KIF3C: variants seen among roughly 807,000 people sequenced by gnomAD.
KIF3C encodes the protein kinesin-like protein KIF3C.
Under a neutral mutation model 67.7 loss-of-function variants are expected in KIF3C, and 12 were observed. The observed-to-expected ratio is 0.18, with a 90% CI of 0.11 to 0.29. The LOEUF (loss-of-function observed/expected upper bound fraction) is 0.29. Among genes scored for constraint, KIF3C ranks in the 10% least tolerant of loss-of-function variants. The pLI is 1.00. For missense variants in KIF3C, 789 were observed against 1,059.6 expected, an observed-to-expected ratio of 0.74 and a Z score of 3.55; for synonymous variants, 393 against 426.2, an observed-to-expected ratio of 0.92 and a Z score of 0.96.
In KIF3C at chr2:25,981,849, C is replaced by A. The variant is rs760060555; in HGVS notation, c.69G>T (p.Lys23Asn). The A allele has an allele frequency of 6.2e-7, 1 of 1,606,460 alleles. No homozygotes were observed. The highest frequency in any genetic ancestry group is 1.1e-5 in the South Asian group (1 of 90,486). Residue 23 changes from lysine to asparagine, a missense_variant, in exon 1 of 8, where the codon AAG becomes AAT. Transcript: ENST00000264712. The surrounding 1 kb of genome is among the most constrained non-coding windows in gnomAD (Gnocchi z 8.2). The stretch of plus-strand genomic sequence containing the variant: ...TCTGCTCGTGACCAGCAGCCTCCTC[C>A]TTCCTGCTGAGGGGGCGGCACCGGG... The part of the protein sequence containing the change: ...VVARCRPLSR[K>N]EEAAGHEQIL...
At position 25,951,769 on chromosome 2, in the gene KIF3C, C is replaced by G. The variant is rs771774727; in HGVS notation, c.2006+20G>C. The G allele has an allele frequency of 1.3e-6, 2 of 1,557,352 alleles. No homozygotes were observed. Among genetic ancestry groups the G allele is most frequent in the Non-Finnish European group, 1.8e-6 (2 of 1,129,138 alleles). ...GGACCCACAAGTCCCCCAGCCCAGA[C>G]AGCTGGGTTAGAGACTCACACGCCG... On this transcript the variant is annotated intron_variant, in intron 5 of 7. Transcript: ENST00000264712.
intron 1 of KIF3C, among the ~76,000 whole-genome samples, chr2:25,966,650 C>T (rs797017535): frequency 4.6e-5 from 7 of 152,274 alleles, no homozygotes; most frequent in South Asian, 4.1e-4. Flanking sequence ...AAAGCACTGA[C>T]GTGGAAAGCT....
At chr2:25,929,862 T>G (rs2090444074) in intron 6 of KIF3C, 93 bp downstream of exon 6, 1 of 853,836 alleles carries the variant, frequency 1.2e-6, no homozygotes, top group East Asian at 2.5e-5. Flanking sequence ...GTGATCCACC[T>G]GCCTCGGCCT....
intron 1 of KIF3C, among the ~76,000 whole-genome samples, chr2:25,968,082 G>A (rs74478887): frequency 0.014 from 2,186 of 152,164 alleles, 51 homozygotes; most frequent in African/African-American, 0.049. Context: ...CTTTTCCAGC[G>A]CCCTGATTGT....
At chr2:25,970,116 G>C (rs1421384207) in intron 1 of KIF3C, among the ~76,000 whole-genome samples, 1 of 152,176 alleles carries the variant, frequency 6.6e-6, no homozygotes, top group African/African-American at 2.4e-5. Context: ...TATCTCAGGA[G>C]ACAAGAGTTC....
At chr2:25,968,969 G>A (rs1299436966) in intron 1 of KIF3C, among the ~76,000 whole-genome samples, 4 of 152,048 alleles carry the variant, frequency 2.6e-5, no homozygotes, top group East Asian at 3.9e-4. Context: ...AATTACAGGC[G>A]TGTGCCACCA....
chr2:25,937,424 GC>G (rs1004786419), intron 5 of KIF3C, among the ~76,000 whole-genome samples: 3 of 152,210 alleles, frequency 2.0e-5, no homozygotes, highest in Admixed American at 6.5e-5. Flanking sequence ...GGCTCCAGAA[GC>G]CCCAGCTGGG....
In KIF3C at chr2:25,955,920, G is replaced by T. The variant is rs1014607572; in HGVS notation, c.1648-257C>A. Among the ~76,000 whole-genome samples, 1 of 152,150 alleles carries T rather than the reference G, an allele frequency of 6.6e-6. No individual in the cohort carries two copies. The highest frequency in any genetic ancestry group is 2.4e-5 in the African/African-American group (1 of 41,440). ...CTAAGAGCTGGCCTACTCCAGAGGCGTTAGTCACACAGATGGAGGCACATC... is the reference window on the plus strand; with the variant it reads ...CTAAGAGCTGGCCTACTCCAGAGGCTTTAGTCACACAGATGGAGGCACATC... On this transcript the variant is annotated intron_variant, in intron 2 of 7. Coordinates refer to ENST00000264712, the MANE Select transcript of KIF3C (RefSeq NM_002254.8). This position sits in a 1 kb window ranked among gnomAD's most constrained non-coding sequence, Gnocchi z 5.0.
chr2:25,940,539 C>T (rs1186995115), intron 5 of KIF3C, among the ~76,000 whole-genome samples: 3 of 151,110 alleles, frequency 2.0e-5, no homozygotes, highest in African/African-American at 7.3e-5. Context: ...CACTGTACTC[C>T]AGCCTGGGCG....
chr2:25,979,024 C>T (rs1664488025), intron 1 of KIF3C, among the ~76,000 whole-genome samples: 1 of 152,184 alleles, frequency 6.6e-6, no homozygotes, highest in Admixed American at 6.5e-5. Flanking sequence ...CAGACAATGG[C>T]ATACAGCTCA....
rs984506912 is a variant in KIF3C, at chr2:25,928,777, G to A, written c.*201C>T. ...AGGGCATCTCCCCAACACGAACAGA[G>A]CTCCGCGAATAAATAACATGAATTA... is the stretch of plus-strand genomic sequence containing the variant. On this transcript the variant is annotated 3_prime_UTR_variant, in exon 8 of 8. Transcript: ENST00000264712. 1.8e-6 allele frequency: 1 copy of A among 545,046 alleles called. No homozygotes were observed. The highest frequency in any genetic ancestry group is 1.9e-5 in the African/African-American group (1 of 52,542). The allele number at this position is 545,046 out of a possible 1,614,324, so 33.8% of individuals were successfully genotyped here.
At chr2:25,975,582 T>A (rs375696791) in intron 1 of KIF3C, among the ~76,000 whole-genome samples, 1 of 152,166 alleles carries the variant, frequency 6.6e-6, no homozygotes, top group Non-Finnish European at 1.5e-5. Context: ...TCCAGCTGGG[T>A]TTACATAGTT....
At chr2:25,931,105 CAT>C (rs1344080079) in intron 5 of KIF3C, among the ~76,000 whole-genome samples, 1 of 152,114 alleles carries the variant, frequency 6.6e-6, no homozygotes, top group Non-Finnish European at 1.5e-5. Flanking sequence ...AAATAAACCT[CAT>C]AGCATATATA....
intron 1 of KIF3C, among the ~76,000 whole-genome samples, chr2:25,974,095 G>A (rs962471773): frequency 2.0e-4 from 30 of 151,992 alleles, no homozygotes; most frequent in East Asian, 1.9e-4. Flanking sequence ...TTTTGAGACG[G>A]AGTCTCACTC....
chr2:25,946,280 T>G (rs1169873078), intron 5 of KIF3C, among the ~76,000 whole-genome samples: 1 of 151,804 alleles, frequency 6.6e-6, no homozygotes, highest in East Asian at 2.0e-4. Flanking sequence ...GGGGGCCAGG[T>G]GAGGTGGCTT....
rs148885348 is a variant in KIF3C, at chr2:25,981,780, G to C, written c.138C>G (p.Asn46Lys). The C allele has an allele frequency of 1.9e-6, 3 of 1,613,502 alleles. No individual in the cohort carries two copies. Among genetic ancestry groups the C allele is most frequent in the South Asian group, 2.2e-5 (2 of 91,040 alleles). The stretch of plus-strand genomic sequence containing the variant: ...GCAGCTCCCCCGGGGCGGCGCGGGG[G>C]TTCCGCAGGGTCACCTGGCCCAGTT... Reference protein sequence around the residue: ...DVKLGQVTLRNPRAAPGELPK... With the variant: ...DVKLGQVTLRKPRAAPGELPK... The change falls in exon 1 of 8, where the codon AAC (asparagine) becomes AAG (lysine). Residue 46 changes from asparagine (N) to lysine (K), a missense_variant. By Grantham distance (94) the Asn-to-Lys change is moderately conservative. This residue lies in a region of KIF3C where 141 missense variants were observed against 251.8 expected (regional missense o/e 0.56). Coordinates refer to ENST00000264712, the MANE Select transcript of KIF3C (RefSeq NM_002254.8). This position sits in a 1 kb window ranked among gnomAD's most constrained non-coding sequence, Gnocchi z 8.2.
rs1663786977 is a variant in KIF3C at position 25,955,640 on chromosome 2, C to T, written c.1671G>A (p.Gln557=). The T allele has an allele frequency of 1.9e-6, 3 of 1,614,054 alleles. No homozygotes were observed. The highest frequency in any genetic ancestry group is 4.5e-5 in the East Asian group (2 of 44,896). Residue 557 remains glutamine (Q), a synonymous_variant, in exon 3 of 8, where the codon CAG becomes CAA. Coordinates refer to ENST00000264712, the MANE Select transcript of KIF3C (RefSeq NM_002254.8). The surrounding 1 kb of genome is among the most constrained non-coding windows in gnomAD (Gnocchi z 5.0). ...CCTCGTCCCGGAGCATCATCTCCTG[C>T]TGCATCTCCCGCTCACGACGTTTCT... The part of the protein sequence containing the change: ...AEQKRREREM[Q]QEMMLRDEET...
chr2:25,937,702 A>G (rs1415077840), intron 5 of KIF3C, among the ~76,000 whole-genome samples: 1 of 152,276 alleles, frequency 6.6e-6, no homozygotes, highest in Non-Finnish European at 1.5e-5. Context: ...TTTGTGTCCA[A>G]GGTCATGCAA....
intron 1 of KIF3C, among the ~76,000 whole-genome samples, chr2:25,962,206 A>G (rs768934442): frequency 3.3e-5 from 5 of 152,212 alleles, no homozygotes; most frequent in Non-Finnish European, 7.3e-5. Context: ...TGGAGGAAAT[A>G]CCAGTCTATT....
Sources: allele counts gnomAD v4.1 joint callset (sites outside exome capture counted in the v4.1 genomes callset), GRCh38; gene constraint gnomAD v4.1.1; regional missense constraint gnomAD v4.1.1; non-coding constraint Gnocchi (gnomAD v3.1); transcripts MANE v1.5; gene names NCBI Gene and HGNC (gene_info 2026-07-23, HGNC 2026-07-21).